MYO1F: variants seen among roughly 807,000 people sequenced by gnomAD.
MYO1F encodes the protein myosin IF.
In MYO1F, 60 loss-of-function variants were observed where a neutral mutation model predicts 146.6. The ratio of observed to expected loss-of-function variants is 0.41; its 90% CI spans 0.33 to 0.51. The LOEUF (loss-of-function observed/expected upper bound fraction) is 0.51. Ranked by LOEUF, MYO1F falls within the 20% of genes least tolerant of loss-of-function variation. The pLI, the probability that MYO1F is intolerant of heterozygous loss-of-function variation, is 0.25. For synonymous variants in MYO1F, 602 were observed against 602.1 expected (o/e 1.00, Z 0.00); for missense variants, 1,274 against 1,534.3 (o/e 0.83, Z 2.83).
At chr19:8,558,966 C>T (rs1040603444) in intron 1 of MYO1F, among the ~76,000 whole-genome samples, 4 of 152,034 alleles carry the variant, frequency 2.6e-5, no homozygotes, top group Non-Finnish European at 5.9e-5. Context: ...GCTACCTCTG[C>T]CTGCGGGGCT....
chr19:8,545,662 G>A lies in MYO1F; in HGVS notation c.1344C>T (p.Ile448=), dbSNP rs543750031. The A allele has an allele frequency of 3.1e-6, 5 of 1,613,962 alleles. No homozygotes were observed. The highest frequency in any genetic ancestry group is 3.3e-5 in the Admixed American group (2 of 60,006). Residue 448 remains isoleucine (I), a synonymous_variant, in exon 13 of 28, where the codon ATC becomes ATT. Transcript: ENST00000644032. ...YFNNKVVCDL[I]ENKLSPPGIM... is the part of the protein sequence containing the mutation. ...ACCCAGCCCTCACCAGCTTGTTTTC[G>A]ATGAGGTCACAGACGACCTTGTTGT...
At position 8,550,147 on chromosome 19, in the gene MYO1F, C is replaced by A; in HGVS notation, c.1101+13G>T. On this transcript the variant is annotated intron_variant, in intron 10 of 27. Transcript: ENST00000644032. ...GAGCATCCACTCTGCCTTCCAGCCC[C>A]AGCCCCACTCGCCTCCACGAGGAAG... 7.4e-6 allele frequency: 12 copies of A among 1,613,352 alleles called. No homozygotes were observed. The highest frequency in any genetic ancestry group is 1.0e-5 in the Non-Finnish European group (12 of 1,180,028).
intron 1 of MYO1F, among the ~76,000 whole-genome samples, chr19:8,571,988 A>G (rs1357221006): frequency 7.9e-5 from 12 of 151,082 alleles, no homozygotes; most frequent in Admixed American, 7.2e-4. Flanking sequence ...CTCCTAAAGT[A>G]TTGGGATTAC....
chr19:8,533,650 G>T (rs927060370), intron 19 of MYO1F, among the ~76,000 whole-genome samples: 6 of 152,100 alleles, frequency 3.9e-5, no homozygotes, highest in African/African-American at 1.4e-4. Flanking sequence ...GAGCCAGCAC[G>T]CTTAGCCTCA....
chr19:8,547,992 C>T lies in MYO1F; in HGVS notation c.1269+44G>A, dbSNP rs1294956573. 4 of 1,006,750 alleles carry T rather than the reference C, an allele frequency of 4.0e-6. No individual in the cohort carries two copies. The Admixed American group carries it at 5.2e-5, about 13-fold the overall frequency. The allele number at this position is 1,006,750 out of a possible 1,614,324, so 62.4% of individuals were successfully genotyped here. On this transcript the variant is annotated intron_variant, in intron 12 of 27. Transcript: ENST00000644032. ...GGATCCTCATGGTCCTTCCACCCCA[C>T]CCCCACCCCAGGATCCCCCATCCCT...
rs1972317129 is a variant in MYO1F at position 8,527,445 on chromosome 19, C to A, written c.2367G>T (p.Val789=). ...TCACTTTCTCTCGCCCAATCACATA[C>A]ACACACTTGGGCGTCAGGATCAAGT... ...KRDLILTPKC[V]YVIGREKVKK... The change falls in exon 22 of 28, where the codon GTG becomes GTT. Residue 789 remains valine (V), a synonymous_variant. Transcript: ENST00000644032. 1 of 1,614,072 alleles carries A rather than the reference C, an allele frequency of 6.2e-7. No individual in the cohort carries two copies. Among genetic ancestry groups the A allele is most frequent in the African/African-American group, 1.3e-5 (1 of 75,040 alleles).
At chr19:8,538,972 A>AACTGTG (rs138085662) in intron 16 of MYO1F, among the ~76,000 whole-genome samples, 3,755 of 152,216 alleles carry the variant, frequency 0.025, 85 homozygotes, top group African/African-American at 0.062. Flanking sequence ...AATACCACTG[A>AACTGTG]ACATTAAAAC....
Position 8,526,582 on chromosome 19 carries a change from T to C in MYO1F, c.2641A>G (p.Lys881Glu). 6.3e-7 allele frequency: 1 copy of C among 1,597,520 alleles called. No individual in the cohort carries two copies. Among genetic ancestry groups the C allele is most frequent in the Non-Finnish European group, 8.5e-7 (1 of 1,174,250 alleles). Reference sequence around the variant, plus strand: ...GTGCCGCCACCGCCCCAGCCCTCCTTCTTCACCCGAAACTGTAGTCTATGG... The same window carrying C: ...GTGCCGCCACCGCCCCAGCCCTCCTCCTTCACCCGAAACTGTAGTCTATGG... ...FSDTLQFRVK[K>E]EGWGGGGTRS... The change falls in exon 24 of 28, where the codon AAG (lysine) becomes GAG (glutamate). Residue 881 changes from lysine (K) to glutamate (E), a missense_variant. By Grantham distance (56) the Lys-to-Glu change is moderately conservative. This residue lies in a region of MYO1F where 374 missense variants were observed against 379.2 expected (regional missense o/e 0.99). Coordinates refer to ENST00000644032, the MANE Select transcript of MYO1F (RefSeq NM_012335.4).
chr19:8,525,378 G>C (rs1472930519), intron 25 of MYO1F, 101 bp downstream of exon 25: 30 of 976,980 alleles, frequency 3.1e-5, no homozygotes, highest in Non-Finnish European at 4.7e-5. Context: ...AGAGAAGTGA[G>C]TGGTAAACTG....
At chr19:8,536,210 T>A (rs1339026682) in intron 19 of MYO1F, 42 bp downstream of exon 19, 1 of 1,598,798 alleles carries the variant, frequency 6.3e-7, no homozygotes. Context: ...CCTTTCTCTC[T>A]CTTCCCCTCT....
intron 1 of MYO1F, among the ~76,000 whole-genome samples, chr19:8,570,383 T>A (rs1485505608): frequency 2.0e-5 from 3 of 151,200 alleles, no homozygotes; most frequent in African/African-American, 4.9e-5. Context: ...TTTTTTTTTT[T>A]ATTTGAGATG....
intron 21 of MYO1F, chr19:8,529,936 T>G: frequency 5.0e-6 from 3 of 602,972 alleles, no homozygotes; most frequent in Non-Finnish European, 9.0e-6. Context: ...ATGGAACAGA[T>G]GGATCTAGGC....
intron 1 of MYO1F, among the ~76,000 whole-genome samples, chr19:8,571,425 T>G (rs1475094272): frequency 2.0e-5 from 3 of 151,898 alleles, no homozygotes; most frequent in Admixed American, 6.6e-5. Flanking sequence ...CTCTCTCTTT[T>G]TTTTTTTTAG....
chr19:8,571,053 A>T (rs1271201427), intron 1 of MYO1F, among the ~76,000 whole-genome samples: 1 of 152,194 alleles, frequency 6.6e-6, no homozygotes, highest in Non-Finnish European at 1.5e-5. Context: ...GAAGGGCTGG[A>T]GGAGGGAGCT....
chr19:8,548,179 G>A (rs1973450920), intron 11 of MYO1F, 57 bp from the exon 12 acceptor site: 10 of 1,613,186 alleles, frequency 6.2e-6, no homozygotes, highest in Middle Eastern at 1.6e-4. Context: ...AAGTTCTTGT[G>A]GCCACCCTGG....
At chr19:8,546,828 A>G (rs1462389575) in intron 12 of MYO1F, among the ~76,000 whole-genome samples, 1 of 152,034 alleles carries the variant, frequency 6.6e-6, no homozygotes, top group African/African-American at 2.4e-5. Context: ...ACAGGTGCCC[A>G]GCACCACACC....
intron 1 of MYO1F, among the ~76,000 whole-genome samples, chr19:8,575,699 C>G (rs994243533): frequency 6.6e-6 from 1 of 151,442 alleles, no homozygotes; most frequent in Non-Finnish European, 1.5e-5. Flanking sequence ...TTCAGCATCC[C>G]CAGACAGAGG....
rs190411389 is a variant in MYO1F, at chr19:8,547,176, C to T, written c.1269+860G>A. The stretch of plus-strand genomic sequence containing the variant: ...ATTAGCCAGGCATGATGGTGTGTGC[C>T]TGCGGTCCCAGCTACTTGAGAGGCT... On this transcript the variant is annotated intron_variant, in intron 12 of 27. Coordinates refer to ENST00000644032, the MANE Select transcript of MYO1F (RefSeq NM_012335.4). Among the ~76,000 whole-genome samples the T allele has an allele frequency of 4.1e-3, 626 of 151,974 alleles. 7 individuals are homozygous for T. The highest frequency in any genetic ancestry group is 0.014 in the African/African-American group (569 of 41,478).
In MYO1F at chr19:8,544,163, A is replaced by G. The variant is rs371690726; in HGVS notation, c.1524+134T>C. The G allele has an allele frequency of 3.2e-6, 3 of 928,338 alleles. 1 individual carries two copies. The South Asian group carries it at 4.2e-5, about 13-fold the overall frequency. 57.5% of individuals were successfully genotyped at this position (928,338 alleles called of 1,614,324 possible). On this transcript the variant is annotated intron_variant, in intron 14 of 27. Coordinates refer to ENST00000644032, the MANE Select transcript of MYO1F (RefSeq NM_012335.4). ...TAGGGGGTGGATTGAGGCGGGGGAC[A>G]GTGGAATTCTACAGCCCTGGATAAG... is the stretch of plus-strand genomic sequence containing the variant.
Sources: gnomAD v4.1 joint callset for allele counts (sites outside exome capture counted in the v4.1 genomes callset) on GRCh38, gnomAD v4.1.1 for gene constraint, gnomAD v4.1.1 regional missense constraint, MANE v1.5 for transcripts, NCBI Gene and HGNC (gene_info 2026-07-23, HGNC 2026-07-21) for gene names.